CCNG2: variants seen among roughly 807,000 people sequenced by gnomAD.
CCNG2 encodes the protein cyclin G2, also known as cyclin-G2.
In CCNG2, 20 loss-of-function variants were observed where a neutral mutation model predicts 36.5. The ratio of observed to expected loss-of-function variants is 0.55; its 90% CI spans 0.39 to 0.80. The LOEUF is 0.80. Among genes scored for constraint, CCNG2 ranks in the 30% least tolerant of loss-of-function variants. The probability of loss-of-function intolerance (pLI) is 0.00; values close to 1 mark genes in which losing one functional copy is unlikely to be tolerated. For synonymous variants in CCNG2, 155 were observed against 140.1 expected (o/e 1.11, Z -0.75); for missense variants, 358 against 390.8 (o/e 0.92, Z 0.71).
intron 6 of CCNG2, among the ~76,000 whole-genome samples, chr4:77,163,588 C>G (rs1731543845): frequency 1.3e-5 from 2 of 152,048 alleles, no homozygotes; most frequent in African/African-American, 4.8e-5. Flanking sequence ...TTTATCTGAA[C>G]TTTTTATTGA....
chr4:77,161,806 T>A (rs1178991510), intron 6 of CCNG2, 59 bp downstream of exon 6: 5 of 1,044,398 alleles, frequency 4.8e-6, no homozygotes, highest in Non-Finnish European at 7.2e-6. Context: ...TTTTTTTCTG[T>A]GGTGACTTAA....
chr4:77,158,222 T>G (rs1364274296), intron 1 of CCNG2: 3 of 350,644 alleles, frequency 8.6e-6, no homozygotes, highest in Admixed American at 4.4e-5. Flanking sequence ...CGACTTCAGG[T>G]GGGGCAGACC....
intron 3 of CCNG2, 60 bp from the exon 4 acceptor site, chr4:77,160,661 C>CT (rs1731407062): frequency 2.0e-6 from 3 of 1,535,408 alleles, no homozygotes; most frequent in Non-Finnish European, 2.7e-6. Flanking sequence ...TTACAATATT[C>CT]TAAGTATCTG....
Position 77,169,516 on chromosome 4 carries a change from G to A in CCNG2, c.*3592G>A. 1 of 152,202 alleles carries A rather than the reference G, an allele frequency of 6.6e-6. No individual in the cohort carries two copies. Among genetic ancestry groups the A allele is most frequent in the East Asian group, 1.9e-4 (1 of 5,198 alleles). 9.4% of individuals were successfully genotyped at this position (152,202 alleles called of 1,614,324 possible). The stretch of plus-strand genomic sequence containing the variant: ...TCCACAAGTGGAGTCTGTTTCTCTT[G>A]AGTTTTGGCTGGCCTTATGAATGGC... On this transcript the variant is annotated 3_prime_UTR_variant, in exon 8 of 8. Coordinates refer to ENST00000316355, the MANE Select transcript of CCNG2 (RefSeq NM_004354.3).
intron 2 of CCNG2, among the ~76,000 whole-genome samples, chr4:77,159,119 C>A (rs1035196115): frequency 6.6e-6 from 1 of 152,148 alleles, no homozygotes; most frequent in African/African-American, 2.4e-5. Flanking sequence ...AACAGTTCAC[C>A]TTATATTGAA....
At chr4:77,162,034 TTCTGA>T in intron 6 of CCNG2, among the ~76,000 whole-genome samples, 1 of 152,178 alleles carries the variant, frequency 6.6e-6, no homozygotes, top group South Asian at 2.1e-4. Flanking sequence ...ATATGCATTG[TTCTGA>T]AATGCATACT....
rs1183697128 is a variant in CCNG2, at chr4:77,160,766, C to T, written c.322C>T (p.Leu108=). ...TTGCATTGGAGTCTGTTCTTTTTTG[C>T]TGGCTGCTAGAATAGTTGAAGAAGA... The part of the protein sequence containing the change: ...LSCIGVCSFL[L]AARIVEEDCN... The change falls in exon 4 of 8, where the codon CTG becomes TTG. Residue 108 remains leucine (L), a synonymous_variant. Transcript: ENST00000316355. The T allele has an allele frequency of 4.3e-6, 7 of 1,613,128 alleles. No homozygotes were observed. Among genetic ancestry groups the T allele is most frequent in the Non-Finnish European group, 5.9e-6 (7 of 1,179,672 alleles).
rs1461386967 is a variant in CCNG2, at chr4:77,157,522, C to T, written c.-1+16C>T. 1.3e-5 allele frequency: 2 copies of T among 152,558 alleles called. No individual in the cohort carries two copies. The highest frequency in any genetic ancestry group is 4.8e-5 in the African/African-American group (2 of 41,448). 9.5% of individuals were successfully genotyped at this position (152,558 alleles called of 1,614,324 possible). ...CTCCGGCACGGTGAGTGGACCCGCC[C>T]AGGGCCGCCGTGGGTTTCTTTGTTC... On this transcript the variant is annotated intron_variant, in intron 1 of 7. Transcript: ENST00000316355.
Position 77,168,276 on chromosome 4 carries a change from C to T in CCNG2, c.*2352C>T, listed in dbSNP as rs1364743744. On this transcript the variant is annotated 3_prime_UTR_variant, in exon 8 of 8. Transcript: ENST00000316355. ...ATGATTTCGTTTACACTGTTTATATCTCTCTGTCCCCCCTTTTTCTGCCAT... is the reference window on the plus strand; with the variant it reads ...ATGATTTCGTTTACACTGTTTATATTTCTCTGTCCCCCCTTTTTCTGCCAT... The T allele has an allele frequency of 6.6e-6, 1 of 152,026 alleles. No individual in the cohort carries two copies. The highest frequency in any genetic ancestry group is 1.5e-5 in the Non-Finnish European group (1 of 67,920). The allele number at this position is 152,026 out of a possible 1,614,324, so 9.4% of individuals were successfully genotyped here. A position where few individuals can be genotyped will look rare whatever the true frequency, so the allele number is the denominator to read the frequency against.
rs4150067 is a variant in CCNG2, at chr4:77,161,229, A to G, written c.528-251A>G. Among the ~76,000 whole-genome samples, 7,001 of 151,278 alleles carry G rather than the reference A, an allele frequency of 0.046. 218 individuals carry two copies. Among genetic ancestry groups the G allele is most frequent in the Non-Finnish European group, 0.067 (4,528 of 67,906 alleles). On this transcript the variant is annotated intron_variant, in intron 4 of 7. Coordinates refer to ENST00000316355, the MANE Select transcript of CCNG2 (RefSeq NM_004354.3). ...GCGATTCTCCTGCGTCAGCCTCCCA[A>G]GTAGCTGGGATTACAGGCGTGCGCC...
At chr4:77,158,081 C>T (rs1731317021) in intron 1 of CCNG2, among the ~76,000 whole-genome samples, 1 of 152,034 alleles carries the variant, frequency 6.6e-6, no homozygotes, top group Non-Finnish European at 1.5e-5. Context: ...CGGGAGTCTC[C>T]TCCCTCCGCT....
intron 3 of CCNG2, 76 bp from the exon 4 acceptor site, chr4:77,160,645 G>A: frequency 7.2e-7 from 1 of 1,383,890 alleles, no homozygotes. Context: ...AAGAATAGGA[G>A]CATCATTACA....
In CCNG2 at chr4:77,159,442, T is replaced by C. The variant is rs1362305553; in HGVS notation, c.214T>C (p.Ser72Pro). ...DLRSLANFFG[S>P]CTETFVLAVN... ...AAGGAGTTTAGCCAACTTTTTTGGA[T>C]CTTGCACTGAAACTTTTGTCCTGGC... The change falls in exon 3 of 8, where the codon TCT (serine) becomes CCT (proline). Residue 72 changes from serine to proline, a missense_variant. Transcript: ENST00000316355. 1 of 1,614,054 alleles carries C rather than the reference T, an allele frequency of 6.2e-7. No individual in the cohort carries two copies. Among genetic ancestry groups the C allele is most frequent in the African/African-American group, 1.3e-5 (1 of 75,058 alleles).
chr4:77,159,858 G>A (rs1426675519), intron 3 of CCNG2, among the ~76,000 whole-genome samples: 1 of 152,194 alleles, frequency 6.6e-6, no homozygotes, highest in Non-Finnish European at 1.5e-5. Context: ...ACTGAAGCAT[G>A]ACAAATGAAG....
At chr4:77,162,376 A>ATTTT (rs35692387) in intron 6 of CCNG2, among the ~76,000 whole-genome samples, 12 of 71,452 alleles carry the variant, frequency 1.7e-4, no homozygotes, top group African/African-American at 2.3e-4. Flanking sequence ...GTACTTTGGG[A>ATTTT]TTTTTTTTTT....
intron 4 of CCNG2, among the ~76,000 whole-genome samples, 161 bp downstream of exon 4, chr4:77,161,132 C>T (rs1332722244): frequency 1.8e-4 from 16 of 87,706 alleles, no homozygotes; most frequent in East Asian, 1.0e-3. Flanking sequence ...GAAGGAATTT[C>T]GCTCTTGTTG....
chr4:77,161,684 A>G lies in CCNG2; in HGVS notation c.642A>G (p.Glu214=), dbSNP rs1577905998. ...TAGCCTTGTGCCTTCTCAATTTGGA[A>G]GTGGAAACTTTGAAATCTGTTGAAT... ...SVLALCLLNL[E]VETLKSVELL... The change falls in exon 6 of 8, where the codon GAA becomes GAG. Residue 214 remains glutamate, a synonymous_variant. Transcript: ENST00000316355. 6.2e-7 allele frequency: 1 copy of G among 1,609,656 alleles called. No homozygotes were observed. The highest frequency in any genetic ancestry group is 8.5e-7 in the Non-Finnish European group (1 of 1,178,480).
chr4:77,163,075 C>G (rs1447883015), intron 6 of CCNG2, among the ~76,000 whole-genome samples: 1 of 151,848 alleles, frequency 6.6e-6, no homozygotes, highest in Non-Finnish European at 1.5e-5. Context: ...AGGTGGGTGT[C>G]TAGTAGGTGT....
Position 77,167,205 on chromosome 4 carries a change from A to C in CCNG2, c.*1281A>C, listed in dbSNP as rs1296411033. The C allele has an allele frequency of 6.6e-6, 1 of 152,142 alleles. No individual in the cohort carries two copies. The highest frequency in any genetic ancestry group is 1.5e-5 in the Non-Finnish European group (1 of 68,030). 9.4% of individuals were successfully genotyped at this position (152,142 alleles called of 1,614,324 possible). A position where few individuals can be genotyped will look rare whatever the true frequency, so the allele number is the denominator to read the frequency against. The stretch of plus-strand genomic sequence containing the variant: ...TAATTCAAAATAAAATTATTAATGA[A>C]TTCTCCTTGTTTGGGATCACATCTT... On this transcript the variant is annotated 3_prime_UTR_variant, in exon 8 of 8. Transcript: ENST00000316355.
Sources: allele counts gnomAD v4.1 joint callset (sites outside exome capture counted in the v4.1 genomes callset), GRCh38; gene constraint gnomAD v4.1.1; transcripts MANE v1.5; gene names NCBI Gene and HGNC (gene_info 2026-07-23, HGNC 2026-07-21).